The following SLC12A8 variants were observed in gnomAD, a reference collection of about 807,000 sequenced individuals.
SLC12A8 encodes solute carrier family 12 member 8.
Under a neutral mutation model 75.6 loss-of-function variants are expected in SLC12A8, and 69 were observed. The ratio of observed to expected loss-of-function variants is 0.91; its 90% confidence interval spans 0.75 to 1.11. SLC12A8 has a LOEUF of 1.11. Among genes scored for constraint, SLC12A8 ranks in the 50% most tolerant of loss-of-function variants. The pLI, the probability that SLC12A8 is intolerant of heterozygous loss-of-function variation, is 0.00. For missense variants in SLC12A8, 877 were observed against 896.7 expected, an observed-to-expected ratio of 0.98 and a Z score of 0.28; for synonymous variants, 365 against 372.8, an observed-to-expected ratio of 0.98 and a Z score of 0.24.
In SLC12A8 at chr3:125,107,635, G is replaced by C. The variant is rs761104131; in HGVS notation, c.1551C>G (p.Val517=). Residue 517 remains valine (V), a synonymous_variant, in exon 10 of 14, where the codon GTC becomes GTG. Coordinates refer to ENST00000469902, the MANE Select transcript of SLC12A8 (RefSeq NM_024628.6). The part of the protein sequence containing the change: ...LDLKSPPSFP[V]EISDRLPAAS... The stretch of plus-strand genomic sequence containing the variant: ...CAGCGGGCAACCTGTCAGAGATCTC[G>C]ACAGGGAAAGAAGGAGGGGATTTGA... 1 of 1,614,164 alleles carries C rather than the reference G, an allele frequency of 6.2e-7. No homozygotes were observed. The highest frequency in any genetic ancestry group is 8.5e-7 in the Non-Finnish European group (1 of 1,180,014).
intron 5 of SLC12A8, among the ~76,000 whole-genome samples, chr3:125,144,281 T>TA (rs1933719805): frequency 6.6e-6 from 1 of 152,070 alleles, no homozygotes; most frequent in Admixed American, 6.5e-5. Flanking sequence ...CCCTATGAGG[T>TA]AGATGGATTT....
chr3:125,102,509 A>G (rs1938907068), intron 10 of SLC12A8, among the ~76,000 whole-genome samples: 1 of 152,214 alleles, frequency 6.6e-6, no homozygotes, highest in East Asian at 1.9e-4. Flanking sequence ...TAGAAAGATC[A>G]TTCAGTGGGC....
chr3:125,193,217 A>G (rs1318628178), intron 2 of SLC12A8, among the ~76,000 whole-genome samples: 1 of 152,144 alleles, frequency 6.6e-6, no homozygotes, highest in Non-Finnish European at 1.5e-5. Context: ...AAAAAATACA[A>G]AAATTAGCCG....
At chr3:125,163,210 G>A (rs1258086190) in intron 5 of SLC12A8, among the ~76,000 whole-genome samples, 3 of 152,054 alleles carry the variant, frequency 2.0e-5, no homozygotes, top group Non-Finnish European at 4.4e-5. Context: ...ACAAGTGGGA[G>A]AATCGCTTAA....
chr3:125,146,342 G>A (rs905089874), intron 5 of SLC12A8, among the ~76,000 whole-genome samples: 1 of 152,142 alleles, frequency 6.6e-6, no homozygotes, highest in African/African-American at 2.4e-5. Flanking sequence ...AGTTTTGGAC[G>A]CAAATGGTTA....
At chr3:125,142,990 A>T (rs1933686289) in intron 5 of SLC12A8, among the ~76,000 whole-genome samples, 1 of 152,226 alleles carries the variant, frequency 6.6e-6, no homozygotes, top group Non-Finnish European at 1.5e-5. Flanking sequence ...ACAGTTCCAT[A>T]TGTTAATAAA....
chr3:125,119,813 A>T (rs1933001262), intron 7 of SLC12A8: 2 of 455,752 alleles, frequency 4.4e-6, no homozygotes, highest in Non-Finnish European at 8.8e-6. Flanking sequence ...GGCCCTTTTA[A>T]CTTCTCAAGT....
Position 125,083,825 on chromosome 3 carries a change from A to C in SLC12A8, c.*65T>G. 1.3e-6 allele frequency: 2 copies of C among 1,501,874 alleles called. No homozygotes were observed. Among genetic ancestry groups the C allele is most frequent in the Non-Finnish European group, 9.0e-7 (1 of 1,105,194 alleles). 93.0% of individuals were successfully genotyped at this position (1,501,874 alleles called of 1,614,324 possible). A position where few individuals can be genotyped will look rare whatever the true frequency, so the allele number is the denominator to read the frequency against. ...TCAGGTTGGAGAAGCAGCTCCACGA[A>C]GGTCCTGAGCTTGGGTCCACTGTAC... is the stretch of plus-strand genomic sequence containing the variant. On this transcript the variant is annotated 3_prime_UTR_variant, in exon 14 of 14. Transcript: ENST00000469902.
At chr3:125,133,818 C>G (rs1044965334) in intron 6 of SLC12A8, among the ~76,000 whole-genome samples, 2 of 152,108 alleles carry the variant, frequency 1.3e-5, no homozygotes, top group Non-Finnish European at 2.9e-5. Flanking sequence ...AGGGATCCTC[C>G]TGTCTTGGCC....
At chr3:125,140,344 G>T (rs1933599865) in intron 5 of SLC12A8, among the ~76,000 whole-genome samples, 2 of 152,184 alleles carry the variant, frequency 1.3e-5, no homozygotes, top group Admixed American at 6.5e-5. Flanking sequence ...GGGTTACATA[G>T]CCAGATCTGC....
intron 8 of SLC12A8, among the ~76,000 whole-genome samples, chr3:125,113,718 G>A (rs1337878426): frequency 6.6e-6 from 1 of 152,116 alleles, no homozygotes; most frequent in Admixed American, 6.6e-5. Flanking sequence ...ACACCTGTTT[G>A]AGCCATCCCC....
intron 5 of SLC12A8, among the ~76,000 whole-genome samples, chr3:125,172,776 T>C (rs1346182402): frequency 1.3e-5 from 2 of 152,256 alleles, no homozygotes; most frequent in Non-Finnish European, 1.5e-5. Context: ...CATTTTTACA[T>C]TATACATTTC....
chr3:125,176,304 C>G (rs975002324), intron 5 of SLC12A8, among the ~76,000 whole-genome samples: 13 of 152,148 alleles, frequency 8.5e-5, no homozygotes, highest in Non-Finnish European at 1.8e-4. Context: ...CTCCTGACTT[C>G]AGGTGATCCA....
intron 2 of SLC12A8, among the ~76,000 whole-genome samples, chr3:125,202,216 G>T (rs1435164221): frequency 6.6e-6 from 1 of 152,160 alleles, no homozygotes; most frequent in Non-Finnish European, 1.5e-5. Context: ...AGCCGTATGT[G>T]TATTTCTCTT....
intron 2 of SLC12A8, among the ~76,000 whole-genome samples, 182 bp from the exon 3 acceptor site, chr3:125,190,703 A>G (rs997556425): frequency 2.0e-5 from 3 of 152,262 alleles, no homozygotes; most frequent in African/African-American, 7.2e-5. Context: ...GCGCACACAC[A>G]CATCTTGAAG....
intron 8 of SLC12A8, among the ~76,000 whole-genome samples, chr3:125,116,527 G>A (rs1162410855): frequency 6.6e-6 from 1 of 152,124 alleles, no homozygotes; most frequent in Admixed American, 6.5e-5. Context: ...TTAGGTGTGG[G>A]ATTTCCACCC....
intron 12 of SLC12A8, among the ~76,000 whole-genome samples, chr3:125,090,331 T>C (rs1472685716): frequency 6.6e-6 from 1 of 152,360 alleles, no homozygotes; most frequent in East Asian, 1.9e-4. Context: ...ATATTTTTTA[T>C]GTACTAGAAT....
chr3:125,175,320 T>C (rs1237348570), intron 5 of SLC12A8, among the ~76,000 whole-genome samples: 1 of 152,216 alleles, frequency 6.6e-6, no homozygotes, highest in Admixed American at 6.5e-5. Flanking sequence ...AGGTTTATAG[T>C]TTGGTTTCAG....
At chr3:125,144,096 G>A (rs1438018808) in intron 5 of SLC12A8, among the ~76,000 whole-genome samples, 4 of 152,168 alleles carry the variant, frequency 2.6e-5, no homozygotes, top group South Asian at 2.1e-4. Context: ...ACAGCGGAAA[G>A]AGCTGTCAAA....
Sources: gnomAD v4.1 joint callset for allele counts (sites outside exome capture counted in the v4.1 genomes callset) on GRCh38, gnomAD v4.1.1 for gene constraint, MANE v1.5 for transcripts, NCBI Gene and HGNC (gene_info 2026-07-23, HGNC 2026-07-21) for gene names.